GPAM: variants seen among roughly 807,000 people sequenced by gnomAD.
GPAM encodes the protein glycerol-3-phosphate acyltransferase 1, mitochondrial.
In GPAM, 56 loss-of-function variants were observed where a neutral mutation model predicts 105.0. The observed-to-expected ratio is 0.53, with a 90% CI of 0.43 to 0.67. The LOEUF (loss-of-function observed/expected upper bound fraction) is 0.67, where lower values mean the gene tolerates loss of function less well. GPAM is among the 30% of genes least tolerant of loss of function. The pLI is 0.00. For missense variants in GPAM, 855 were observed against 989.8 expected (o/e 0.86, Z 1.83); for synonymous variants, 368 against 354.4 (o/e 1.04, Z -0.43).
At position 112,177,983 on chromosome 10, in the gene GPAM, C is replaced by A; in HGVS notation, c.299+1G>T. 6.5e-7 allele frequency: 1 copy of A among 1,540,904 alleles called. No individual in the cohort carries two copies. Among genetic ancestry groups the A allele is most frequent in the Non-Finnish European group, 9.0e-7 (1 of 1,114,242 alleles). ...TAAAAACATAAGAAATTTCTTTTTA[C>A]CTTGTGTGAGTTTCATTGATATAAA... On this transcript the variant is annotated splice_donor_variant, in intron 5 of 21. Transcript: ENST00000348367. LOFTEE classifies it high-confidence loss of function.
chr10:112,211,298 C>G (rs1049484309), intron 1 of GPAM, among the ~76,000 whole-genome samples: 5 of 152,172 alleles, frequency 3.3e-5, no homozygotes, highest in African/African-American at 1.2e-4. Context: ...GAGTCAGAGG[C>G]CCTCGTTTCA....
At chr10:112,156,348 G>A (rs1589576945) in intron 19 of GPAM, 4 of 392,666 alleles carry the variant, frequency 1.0e-5, no homozygotes, top group East Asian at 5.5e-5. Flanking sequence ...CTTGTGATAC[G>A]CTGTCATCAC....
chr10:112,181,601 C>T, intron 3 of GPAM, 82 bp downstream of exon 3: 1 of 797,966 alleles, frequency 1.3e-6, no homozygotes, highest in Non-Finnish European at 2.3e-6. Flanking sequence ...TATTATGTTG[C>T]TGCCAGTATT....
At chr10:112,172,011 G>A (rs1847320680) in intron 9 of GPAM, among the ~76,000 whole-genome samples, 171 bp downstream of exon 9, 1 of 152,098 alleles carries the variant, frequency 6.6e-6, no homozygotes, top group East Asian at 1.9e-4. Flanking sequence ...TAGTCTTAAT[G>A]CATTTTTGCA....
At chr10:112,180,226 C>T (rs186607647) in intron 4 of GPAM, among the ~76,000 whole-genome samples, 61 of 152,310 alleles carry the variant, frequency 4.0e-4, no homozygotes, top group African/African-American at 1.4e-3. Flanking sequence ...GATCTACTCT[C>T]CCCCTTAAAA....
At chr10:112,185,849 AG>A (rs539538345), upstream of GPAM, among the ~76,000 whole-genome samples, 514 of 152,220 alleles carry the variant, frequency 3.4e-3, 2 homozygotes, top group African/African-American at 0.012. Context: ...CACTAAGGGA[AG>A]AAAAATACTG....
chr10:112,207,343 G>A (rs1847863457), intron 1 of GPAM, among the ~76,000 whole-genome samples: 1 of 152,160 alleles, frequency 6.6e-6, no homozygotes, highest in South Asian at 2.1e-4. Flanking sequence ...CAAACCCAGG[G>A]AGATAAAGAG....
rs1003566315 is a variant in GPAM at position 112,160,727 on chromosome 10, T to C, written c.1636A>G (p.Ile546Val). 17 of 1,614,072 alleles carry C rather than the reference T, an allele frequency of 1.1e-5. No homozygotes were observed. Among genetic ancestry groups the C allele is most frequent in the Non-Finnish European group, 1.4e-5 (17 of 1,179,970 alleles). Reference protein sequence around the residue: ...AIQLLGNCVTITHTSRNDEFF... With the variant: ...AIQLLGNCVTVTHTSRNDEFF... Reference sequence around the variant, plus strand: ...TCATCGTTCCTGCTAGTGTGGGTGATTGTGACACAATTTCCCAGCAGCTGT... The same window carrying C: ...TCATCGTTCCTGCTAGTGTGGGTGACTGTGACACAATTTCCCAGCAGCTGT... The change falls in exon 16 of 22, where the codon ATC (isoleucine) becomes GTC (valine). Residue 546 changes from isoleucine to valine, a missense_variant. Transcript: ENST00000348367.
At position 112,151,098 on chromosome 10, in the gene GPAM, A is replaced by G; in HGVS notation, c.*2452T>C. ...ATTTTCAAAAACAGACTGCAGTTTC[A>G]TGTTGTTTAATATTGTTTTTTTTTT... is the stretch of plus-strand genomic sequence containing the variant. On this transcript the variant is annotated 3_prime_UTR_variant, in exon 22 of 22. Coordinates refer to ENST00000348367, the MANE Select transcript of GPAM (RefSeq NM_001244949.2). The G allele has an allele frequency of 1.0e-6, 1 of 981,598 alleles. No homozygotes were observed. The highest frequency in any genetic ancestry group is 1.2e-6 in the Non-Finnish European group (1 of 826,836). 60.8% of individuals were successfully genotyped at this position (981,598 alleles called of 1,614,324 possible). A position where few individuals can be genotyped will look rare whatever the true frequency, so the allele number is the denominator to read the frequency against.
At chr10:112,183,919 A>T (rs1228332294), upstream of GPAM, among the ~76,000 whole-genome samples, 1 of 152,104 alleles carries the variant, frequency 6.6e-6, no homozygotes. Context: ...GTGGCTAAAG[A>T]TAGTGTGTGA....
At chr10:112,180,386 A>T (rs1042723881) in intron 4 of GPAM, 87 bp downstream of exon 4, 4 of 1,268,974 alleles carry the variant, frequency 3.2e-6, no homozygotes, top group Middle Eastern at 1.8e-4. Context: ...TCTGAAAGTG[A>T]ATTTAGTCCA....
At chr10:112,165,234 T>C (rs1433930537) in intron 12 of GPAM, among the ~76,000 whole-genome samples, 2 of 152,188 alleles carry the variant, frequency 1.3e-5, no homozygotes, top group African/African-American at 2.4e-5. Context: ...ATTTTTCTCC[T>C]TCTCCTTTAC....
At chr10:112,187,674 G>GT (rs1440543959), upstream of GPAM, among the ~76,000 whole-genome samples, 3 of 152,134 alleles carry the variant, frequency 2.0e-5, no homozygotes, top group African/African-American at 7.2e-5. Context: ...TAATAAGGAT[G>GT]TAAAAGGCTT....
In GPAM at chr10:112,158,304, T is replaced by A. The variant is rs1019904164; in HGVS notation, c.1980+12A>T. On this transcript the variant is annotated intron_variant, in intron 18 of 21. Coordinates refer to ENST00000348367, the MANE Select transcript of GPAM (RefSeq NM_001244949.2). The stretch of plus-strand genomic sequence containing the variant: ...AGTATAAAGACAAATAAAGGAAAGC[T>A]CTACCTCTTACCTCTGCCACTGTAA... The A allele has an allele frequency of 2.1e-6, 3 of 1,447,250 alleles. No homozygotes were observed. Among genetic ancestry groups the A allele is most frequent in the Non-Finnish European group, 2.9e-6 (3 of 1,027,200 alleles). 89.7% of individuals were successfully genotyped at this position (1,447,250 alleles called of 1,614,324 possible). A position where few individuals can be genotyped will look rare whatever the true frequency, so the allele number is the denominator to read the frequency against.
upstream of GPAM, chr10:112,183,768 C>T (rs1847552772): frequency 6.6e-6 from 1 of 152,260 alleles, no homozygotes; most frequent in Non-Finnish European, 1.5e-5. Context: ...AGTGGCGCAC[C>T]CTGATGACGC....
Position 112,155,882 on chromosome 10 carries a change from T to C in GPAM, c.2293A>G (p.Arg765Gly). The C allele has an allele frequency of 6.3e-7, 1 of 1,599,772 alleles. No individual in the cohort carries two copies. The highest frequency in any genetic ancestry group is 8.6e-7 in the Non-Finnish European group (1 of 1,167,226). The part of the protein sequence containing the change: ...LHKYLITRTE[R>G]NVAVYAESAT... ...AACATACCATATACTGCAACATTTC[T>C]TTCTGTTCTGGTTATTAGGTATTTG... Residue 765 changes from arginine (R) to glycine (G), a missense_variant, in exon 20 of 22, where the codon AGA (arginine) becomes GGA (glycine). By Grantham distance (125) the Arg-to-Gly change is moderately radical. Coordinates refer to ENST00000348367, the MANE Select transcript of GPAM (RefSeq NM_001244949.2).
intron 6 of GPAM, among the ~76,000 whole-genome samples, chr10:112,174,696 G>C (rs1589593035): frequency 6.6e-6 from 1 of 152,134 alleles, no homozygotes; most frequent in African/African-American, 2.4e-5. Flanking sequence ...AATACAAAAA[G>C]ACCAATACCA....
At chr10:112,156,804 T>G (rs1474725838) in intron 19 of GPAM, 1 of 181,036 alleles carries the variant, frequency 5.5e-6, no homozygotes, top group East Asian at 1.5e-4. Flanking sequence ...AATCAGGGAC[T>G]TTTTTTTTAA....
intron 9 of GPAM, among the ~76,000 whole-genome samples, chr10:112,170,504 A>G (rs1476893529): frequency 1.3e-5 from 2 of 152,226 alleles, no homozygotes; most frequent in African/African-American, 4.8e-5. Flanking sequence ...AAGAAATCCT[A>G]ATTGAGAACC....
Sources: gnomAD v4.1 joint callset for allele counts (sites outside exome capture counted in the v4.1 genomes callset) on GRCh38, gnomAD v4.1.1 for gene constraint, MANE v1.5 for transcripts, NCBI Gene and HGNC (gene_info 2026-07-23, HGNC 2026-07-21) for gene names.